Variants in MALT1 observed in about 807,000 individuals in gnomAD.
MALT1 encodes the protein mucosa-associated lymphoid tissue lymphoma translocation protein 1.
MALT1 carries 36 observed loss-of-function variants against 85.5 expected under a neutral mutation model. The observed-to-expected ratio is 0.42, with a 90% CI of 0.32 to 0.56. MALT1 has a LOEUF of 0.56. Among genes scored for constraint, MALT1 ranks in the 20% least tolerant of loss-of-function variants. The pLI is 0.10. For synonymous variants in MALT1, 359 were observed against 361.3 expected (o/e 0.99, Z 0.07); for missense variants, 716 against 981.6 (o/e 0.73, Z 3.62).
At chr18:58,731,772 T>A (rs2144454186) in intron 10 of MALT1, among the ~76,000 whole-genome samples, 1 of 146,326 alleles carries the variant, frequency 6.8e-6, no homozygotes, top group Non-Finnish European at 1.5e-5. Context: ...AACATAAACG[T>A]GTGAATCGTG....
At chr18:58,688,421 C>T (rs1327633111) in intron 2 of MALT1, among the ~76,000 whole-genome samples, 7 of 151,026 alleles carry the variant, frequency 4.6e-5, no homozygotes, top group South Asian at 2.1e-4. Flanking sequence ...GGCACAGTGG[C>T]TCACACGTGT....
At position 58,751,578 on chromosome 18, in the gene MALT1, T is replaced by G. The variant is rs1196563642; in HGVS notation, c.*3736T>G. 3 of 152,200 alleles carry G rather than the reference T, an allele frequency of 2.0e-5. No individual in the cohort carries two copies. The highest frequency in any genetic ancestry group is 7.2e-5 in the African/African-American group (3 of 41,446). 9.4% of individuals were successfully genotyped at this position (152,200 alleles called of 1,614,324 possible). A position where few individuals can be genotyped will look rare whatever the true frequency, so the allele number is the denominator to read the frequency against. On this transcript the variant is annotated 3_prime_UTR_variant, in exon 17 of 17. Coordinates refer to ENST00000649217, the MANE Select transcript of MALT1 (RefSeq NM_006785.4). ...AGAATGATAACAGTTTTGGTCTTCT[T>G]TTTTATCAACCATGCTTTTATTTTA...
chr18:58,708,230 G>A (rs746403277), intron 4 of MALT1, among the ~76,000 whole-genome samples: 8 of 152,056 alleles, frequency 5.3e-5, no homozygotes, highest in Non-Finnish European at 7.4e-5. Context: ...CTCCTCCTTC[G>A]CCTTCTGCAA....
At chr18:58,725,052 C>G (rs1158903188) in intron 10 of MALT1, among the ~76,000 whole-genome samples, 1 of 151,728 alleles carries the variant, frequency 6.6e-6, no homozygotes, top group East Asian at 1.9e-4. Context: ...ATGGTTTAAA[C>G]CCGGGAGGTG....
At chr18:58,676,130 C>T (rs2054236542) in intron 1 of MALT1, among the ~76,000 whole-genome samples, 2 of 152,204 alleles carry the variant, frequency 1.3e-5, no homozygotes, top group Admixed American at 1.3e-4. Context: ...AGCCACTTAA[C>T]TTCTCCCTGT....
chr18:58,722,287 C>CT (rs898052928), intron 9 of MALT1, among the ~76,000 whole-genome samples: 77 of 152,160 alleles, frequency 5.1e-4, no homozygotes, highest in African/African-American at 1.7e-3. Flanking sequence ...CTAGCTGCTA[C>CT]TTTTTAAGGC....
In MALT1 at chr18:58,748,720, T is replaced by C; in HGVS notation, c.*878T>C. 1 of 195,150 alleles carries C rather than the reference T, an allele frequency of 5.1e-6. No individual in the cohort carries two copies. The highest frequency in any genetic ancestry group is 1.1e-5 in the Non-Finnish European group (1 of 93,768). The allele number at this position is 195,150 out of a possible 1,614,324, so 12.1% of individuals were successfully genotyped here. ...CCTAATGAGATAATACTCTTATCTT[T>C]GGCTCTACCTAAAAGTTGGTTAAAA... On this transcript the variant is annotated 3_prime_UTR_variant, in exon 17 of 17. Coordinates refer to ENST00000649217, the MANE Select transcript of MALT1 (RefSeq NM_006785.4).
chr18:58,698,067 G>GT (rs796905674), intron 3 of MALT1, among the ~76,000 whole-genome samples: 6,607 of 74,804 alleles, frequency 0.088, 443 homozygotes, highest in East Asian at 0.3. Context: ...GTTTTGTTTT[G>GT]TTTTTTTGTT....
intron 4 of MALT1, among the ~76,000 whole-genome samples, chr18:58,705,383 T>G (rs1178574129): frequency 6.6e-6 from 1 of 151,216 alleles, no homozygotes; most frequent in Non-Finnish European, 1.5e-5. Flanking sequence ...CGCAGGTTAG[T>G]TACATATGTA....
At chr18:58,686,446 G>A (rs1447879679) in intron 2 of MALT1, among the ~76,000 whole-genome samples, 2 of 152,222 alleles carry the variant, frequency 1.3e-5, no homozygotes, top group African/African-American at 4.8e-5. Context: ...AACCTGGAAT[G>A]GGCAGAGCAG....
chr18:58,677,172 CCATACGGAAAAT>C (rs2054252783), intron 1 of MALT1, among the ~76,000 whole-genome samples: 1 of 139,694 alleles, frequency 7.2e-6, no homozygotes, highest in South Asian at 2.2e-4. Flanking sequence ...AAGCCAGTGC[CCATACGGAAAAT>C]CAGTAAAAAC....
intron 4 of MALT1, among the ~76,000 whole-genome samples, chr18:58,707,795 G>A (rs1034960942): frequency 6.6e-6 from 1 of 152,178 alleles, no homozygotes; most frequent in Non-Finnish European, 1.5e-5. Flanking sequence ...AGTCCATCCA[G>A]TTTGTAGTTG....
In MALT1 at chr18:58,697,611, C is replaced by A. The variant is rs1449711238; in HGVS notation, c.498+1124C>A. 2.0e-5 allele frequency among the ~76,000 whole-genome samples: 3 copies of A among 151,962 alleles called. No homozygotes were observed. In the East Asian group the frequency reaches 5.8e-4, roughly 29 times the overall value. ...AAGTTACTTTCATTTTATTAAATGC[C>A]CTTTGAGGAGAAATAGTGGAAAAAC... On this transcript the variant is annotated intron_variant, in intron 3 of 16. Coordinates refer to ENST00000649217, the MANE Select transcript of MALT1 (RefSeq NM_006785.4).
At chr18:58,672,541 T>C (rs2054180026) in intron 1 of MALT1, 1 of 152,182 alleles carries the variant, frequency 6.6e-6, no homozygotes. Context: ...CCCAGAGAGC[T>C]CTTATGTGGG....
intron 10 of MALT1, among the ~76,000 whole-genome samples, chr18:58,732,762 C>CTATATATATATAT (rs879522631): frequency 1.6e-4 from 24 of 150,624 alleles, no homozygotes; most frequent in African/African-American, 5.6e-4. Flanking sequence ...ATCCTAGCTG[C>CTATATATATATAT]ATTCTTTTTT....
chr18:58,730,355 GT>G (rs1422830789), intron 10 of MALT1, among the ~76,000 whole-genome samples: 3 of 152,058 alleles, frequency 2.0e-5, no homozygotes, highest in African/African-American at 4.8e-5. Context: ...TCTATTTTCT[GT>G]TTCTGTGGAT....
chr18:58,729,507 A>G (rs8088563), intron 10 of MALT1, among the ~76,000 whole-genome samples: 1,026 of 102,492 alleles, frequency 0.01, 9 homozygotes, highest in African/African-American at 0.046. Flanking sequence ...AAAAAAAAAG[A>G]AAAAAAAAAT....
chr18:58,709,196 A>G (rs941038717), intron 4 of MALT1, among the ~76,000 whole-genome samples, 182 bp from the exon 5 acceptor site: 21 of 152,294 alleles, frequency 1.4e-4, no homozygotes, highest in Admixed American at 1.3e-4. Context: ...TGTCCACAGC[A>G]TTCTTTTGGC....
chr18:58,671,919 G>A, intron 1 of MALT1, 67 bp downstream of exon 1: 1 of 1,109,394 alleles, frequency 9.0e-7, no homozygotes, highest in Non-Finnish European at 1.1e-6. Context: ...GGGGAGGTGG[G>A]GGCGCTGTCG....
Sources: allele counts gnomAD v4.1 joint callset (sites outside exome capture counted in the v4.1 genomes callset), GRCh38; gene constraint gnomAD v4.1.1; transcripts MANE v1.5; gene names NCBI Gene and HGNC (gene_info 2026-07-23, HGNC 2026-07-21).